Variants in NMNAT1 observed in about 807,000 individuals in gnomAD.
The protein encoded by NMNAT1 is nicotinamide nucleotide adenylyltransferase 1.
In NMNAT1, 11 loss-of-function variants were observed where a neutral mutation model predicts 16.7. That is an observed-to-expected ratio of 0.66 (90% CI 0.41 to 1.09). The LOEUF is 1.09. Among genes scored for constraint, NMNAT1 ranks in the 50% least tolerant of loss-of-function variants. The pLI is 0.00. For missense variants in NMNAT1, 280 were observed against 332.3 expected, an observed-to-expected ratio of 0.84 and a Z score of 1.22; for synonymous variants, 110 against 119.8, an observed-to-expected ratio of 0.92 and a Z score of 0.53.
At chr1:9,959,526 C>CA (rs1307759966) in intron 1 of NMNAT1, among the ~76,000 whole-genome samples, 2 of 151,264 alleles carry the variant, frequency 1.3e-5, no homozygotes, top group Non-Finnish European at 2.9e-5. Flanking sequence ...ACTAAAAATA[C>CA]AAAAATTAGC....
chr1:9,971,598 C>T (rs755326053), intron 1 of NMNAT1, among the ~76,000 whole-genome samples: 6 of 152,058 alleles, frequency 3.9e-5, no homozygotes, highest in Non-Finnish European at 4.4e-5. Flanking sequence ...ATGTGTGAGC[C>T]ACCACGCCCA....
chr1:9,954,511 G>A (rs1005704280), intron 1 of NMNAT1, among the ~76,000 whole-genome samples: 1 of 152,114 alleles, frequency 6.6e-6, no homozygotes, highest in Non-Finnish European at 1.5e-5. Flanking sequence ...ACCCAGCCCT[G>A]TATCACTTTT....
intron 1 of NMNAT1, among the ~76,000 whole-genome samples, chr1:9,968,770 CAAAA>C (rs35088826): frequency 2.5e-5 from 2 of 79,190 alleles, no homozygotes; most frequent in Admixed American, 1.5e-4. Flanking sequence ...GACTCTGTCT[CAAAA>C]AAAAAAAAAA....
downstream of NMNAT1, among the ~76,000 whole-genome samples, chr1:9,988,983 A>G (rs1342447749): frequency 1.3e-5 from 2 of 152,060 alleles, no homozygotes; most frequent in Non-Finnish European, 2.9e-5. Context: ...TATTTATGAT[A>G]TTGCTAAGGA....
intron 1 of NMNAT1, among the ~76,000 whole-genome samples, chr1:9,957,836 G>T (rs532282235): frequency 6.6e-6 from 1 of 152,048 alleles, no homozygotes; most frequent in East Asian, 1.9e-4. Context: ...GACTGTTTCC[G>T]CTAAGAATAA....
At chr1:9,968,701 G>A (rs1377307428) in intron 1 of NMNAT1, among the ~76,000 whole-genome samples, 2 of 148,586 alleles carry the variant, frequency 1.3e-5, no homozygotes, top group African/African-American at 2.5e-5. Context: ...AACCCAGTAG[G>A]CGGAGCTTGC....
In NMNAT1 at chr1:9,985,441, C is replaced by G. The variant is rs1159966607; in HGVS notation, c.*2740C>G. 6.6e-6 allele frequency: 1 copy of G among 152,114 alleles called. No individual in the cohort carries two copies. Among genetic ancestry groups the G allele is most frequent in the Non-Finnish European group, 1.5e-5 (1 of 68,024 alleles). 9.4% of individuals were successfully genotyped at this position (152,114 alleles called of 1,614,324 possible). ...TACTTTTCAAAGAATGAAGTTGTAG[C>G]CAAATCTTGAAATTTTTCATTTACC... On this transcript the variant is annotated 3_prime_UTR_variant, in exon 5 of 5. Coordinates refer to ENST00000377205, the MANE Select transcript of NMNAT1 (RefSeq NM_022787.4).
intron 1 of NMNAT1, among the ~76,000 whole-genome samples, chr1:9,959,603 C>T (rs928229402): frequency 6.6e-6 from 1 of 152,050 alleles, no homozygotes; most frequent in Admixed American, 6.6e-5. Flanking sequence ...ATGGCTTGAA[C>T]CTGGGAGGTG....
chr1:9,980,785 T>C (rs1641929203), intron 3 of NMNAT1, among the ~76,000 whole-genome samples: 4 of 150,034 alleles, frequency 2.7e-5, no homozygotes, highest in Middle Eastern at 3.5e-3. Context: ...GCCTCCCGAG[T>C]AGCTGGGATT....
At chr1:9,988,430 A>G (rs1459817093), downstream of NMNAT1, among the ~76,000 whole-genome samples, 1 of 151,824 alleles carries the variant, frequency 6.6e-6, no homozygotes, top group Non-Finnish European at 1.5e-5. Context: ...GCTGGGTGTG[A>G]TGAATCATGC....
intron 1 of NMNAT1, among the ~76,000 whole-genome samples, chr1:9,962,481 GA>G (rs200962954): frequency 0.059 from 7,162 of 121,926 alleles, 216 homozygotes; most frequent in Middle Eastern, 0.17. Context: ...GACTCCGTCT[GA>G]AAAAAAAAAA....
chr1:9,977,972 C>G (rs906600225), intron 3 of NMNAT1, among the ~76,000 whole-genome samples: 1 of 152,204 alleles, frequency 6.6e-6, no homozygotes, highest in African/African-American at 2.4e-5. Flanking sequence ...ATTGAACTGT[C>G]TCAGTCTCCT....
chr1:9,969,524 G>A (rs1272655645), intron 1 of NMNAT1, among the ~76,000 whole-genome samples: 1 of 152,110 alleles, frequency 6.6e-6, no homozygotes, highest in African/African-American at 2.4e-5. Context: ...GGCTGAGGTG[G>A]GTGGATCACT....
At chr1:9,962,826 TG>T (rs1641456245) in intron 1 of NMNAT1, among the ~76,000 whole-genome samples, 1 of 151,664 alleles carries the variant, frequency 6.6e-6, no homozygotes, top group Admixed American at 6.6e-5. Flanking sequence ...GGACTACAGG[TG>T]CCTGCCAACA....
At chr1:9,992,813 G>A in the NMNAT1 span, among the ~76,000 whole-genome samples, 7 of 152,284 alleles carry the variant, frequency 4.6e-5, no homozygotes, top group East Asian at 1.4e-3. Flanking sequence ...TCAGGAGGCT[G>A]AGGCAGGAGA....
intron 1 of NMNAT1, among the ~76,000 whole-genome samples, chr1:9,965,739 A>G (rs887756606): frequency 1.1e-4 from 17 of 152,062 alleles, no homozygotes; most frequent in African/African-American, 3.9e-4. Context: ...ACAGTAGCTC[A>G]TGCCTGTAAT....
the NMNAT1 span, among the ~76,000 whole-genome samples, chr1:9,993,004 A>G: frequency 6.6e-6 from 1 of 152,180 alleles, no homozygotes; most frequent in East Asian, 1.9e-4. Flanking sequence ...AACTAGGAGG[A>G]AAAACATCTC....
rs1048453345 is a variant in NMNAT1, at chr1:9,985,049, T to C, written c.*2348T>C. ...ACTTTTCTAGAAGTCCAGAAGTTGT[T>C]ATATGATGAAATAGCCTCCTTTAAC... On this transcript the variant is annotated 3_prime_UTR_variant, in exon 5 of 5. Coordinates refer to ENST00000377205, the MANE Select transcript of NMNAT1 (RefSeq NM_022787.4). The C allele has an allele frequency of 6.6e-6, 1 of 152,150 alleles. No homozygotes were observed. Among genetic ancestry groups the C allele is most frequent in the Non-Finnish European group, 1.5e-5 (1 of 68,024 alleles). 9.4% of individuals were successfully genotyped at this position (152,150 alleles called of 1,614,324 possible).
At chr1:9,949,666 G>C (rs969751746) in intron 1 of NMNAT1, 7 of 151,718 alleles carry the variant, frequency 4.6e-5, no homozygotes, top group African/African-American at 9.7e-5. Flanking sequence ...ATGTTGGCAA[G>C]GCTAGTCTCA....
Sources: allele counts gnomAD v4.1 joint callset (sites outside exome capture counted in the v4.1 genomes callset), GRCh38; gene constraint gnomAD v4.1.1; transcripts MANE v1.5; gene names NCBI Gene and HGNC (gene_info 2026-07-23, HGNC 2026-07-21).